The following STIMATE variants were observed in gnomAD, a reference collection of about 807,000 sequenced individuals.
STIMATE encodes store-operated calcium entry regulator STIMATE.
STIMATE carries 15 observed loss-of-function variants against 36.7 expected under a neutral mutation model. That is an observed-to-expected ratio of 0.41 (90% CI 0.27 to 0.63). STIMATE has a LOEUF of 0.63. Ranked by LOEUF, STIMATE falls within the 20% of genes least tolerant of loss-of-function variation. The pLI is 0.32. For synonymous variants in STIMATE, 163 were observed against 162.3 expected (o/e 1.00, Z -0.03); for missense variants, 305 against 397.3 (o/e 0.77, Z 1.98).
chr3:52,868,677 C>T (rs1269988799), intron 1 of STIMATE, among the ~76,000 whole-genome samples: 1 of 152,166 alleles, frequency 6.6e-6, no homozygotes, highest in African/African-American at 2.4e-5. Flanking sequence ...GGCTGGAGTG[C>T]AGTGGCGAGA....
At chr3:52,873,247 C>T (rs895212100) in intron 1 of STIMATE, among the ~76,000 whole-genome samples, 2 of 152,110 alleles carry the variant, frequency 1.3e-5, no homozygotes, top group African/African-American at 4.8e-5. Context: ...GCAGTAGGAG[C>T]GAGGGGGCAT....
chr3:52,888,124 G>A (rs1037591643), intron 1 of STIMATE, among the ~76,000 whole-genome samples: 6 of 148,210 alleles, frequency 4.0e-5, no homozygotes, highest in Admixed American at 6.9e-5. Context: ...ATGTCTTTAG[G>A]ACCGTAACAC....
chr3:52,849,954 C>T (rs370829709), intron 3 of STIMATE, 41 bp from the exon 4 acceptor site: 213 of 1,596,894 alleles, frequency 1.3e-4, no homozygotes, highest in Non-Finnish European at 1.7e-4. Flanking sequence ...GCAGAAGCCA[C>T]GGGGCCAGAG....
chr3:52,866,754 G>A (rs1701320513), intron 1 of STIMATE, among the ~76,000 whole-genome samples: 1 of 152,258 alleles, frequency 6.6e-6, no homozygotes, highest in African/African-American at 2.4e-5. Flanking sequence ...CTGACTAGCA[G>A]AAGGAAGTTG....
intron 1 of STIMATE, among the ~76,000 whole-genome samples, chr3:52,889,770 C>A (rs1559500170): frequency 6.6e-6 from 1 of 152,152 alleles, no homozygotes; most frequent in Non-Finnish European, 1.5e-5. Flanking sequence ...TTCTCAGGGG[C>A]TGCCACATGA....
intron 1 of STIMATE, among the ~76,000 whole-genome samples, chr3:52,880,677 T>C (rs1428625169): frequency 6.6e-6 from 1 of 152,082 alleles, no homozygotes; most frequent in Non-Finnish European, 1.5e-5. Context: ...ACTGCCTCCT[T>C]ACAAAGGAGG....
intron 1 of STIMATE, among the ~76,000 whole-genome samples, chr3:52,887,685 C>G (rs538339034): frequency 6.6e-6 from 1 of 152,164 alleles, no homozygotes; most frequent in Non-Finnish European, 1.5e-5. Context: ...TCACCCCACA[C>G]CAAACTTCAT....
chr3:52,852,532 A>C, intron 3 of STIMATE, 71 bp downstream of exon 3: 1 of 1,590,790 alleles, frequency 6.3e-7, no homozygotes, highest in East Asian at 2.2e-5. Context: ...GACCAGCAGC[A>C]GAAAGCAAGG....
chr3:52,897,224 C>T, intron 1 of STIMATE, 67 bp downstream of exon 1: 2 of 1,508,586 alleles, frequency 1.3e-6, no homozygotes, highest in South Asian at 2.4e-5. Flanking sequence ...GCAGGAGGGG[C>T]CCCCAGGGGG....
chr3:52,837,487 G>C lies in STIMATE; in HGVS notation c.*3007C>G, dbSNP rs1170601569. 1 of 152,408 alleles carries C rather than the reference G, an allele frequency of 6.6e-6. No individual in the cohort carries two copies. Among genetic ancestry groups the C allele is most frequent in the Non-Finnish European group, 1.5e-5 (1 of 68,168 alleles). 9.4% of individuals were successfully genotyped at this position (152,408 alleles called of 1,614,324 possible). On this transcript the variant is annotated 3_prime_UTR_variant, in exon 8 of 8. Transcript: ENST00000355083. ...CCACAGACCCTCCTCTTGCATGTGTGCAAGCTGAGTGGACCAAGAAGCCAC... is the reference window on the plus strand; with the variant it reads ...CCACAGACCCTCCTCTTGCATGTGTCCAAGCTGAGTGGACCAAGAAGCCAC...
intron 1 of STIMATE, among the ~76,000 whole-genome samples, chr3:52,893,365 C>T (rs1433209211): frequency 6.7e-6 from 1 of 150,234 alleles, no homozygotes; most frequent in Non-Finnish European, 1.5e-5. Context: ...CTTCAAATGG[C>T]TCAGCCAAAA....
chr3:52,862,964 T>C (rs189891334), intron 1 of STIMATE, among the ~76,000 whole-genome samples: 5 of 152,312 alleles, frequency 3.3e-5, no homozygotes, highest in Admixed American at 2.6e-4. Flanking sequence ...CAAGGAATCC[T>C]GGAGCCACCA....
intron 1 of STIMATE, among the ~76,000 whole-genome samples, chr3:52,880,868 G>A (rs1185978693): frequency 1.3e-5 from 2 of 152,192 alleles, no homozygotes; most frequent in South Asian, 4.1e-4. Flanking sequence ...GTGGACTATA[G>A]AAACTCAGAT....
intron 6 of STIMATE, 181 bp from the exon 7 acceptor site, chr3:52,843,141 C>G: frequency 8.3e-7 from 1 of 1,202,764 alleles, no homozygotes; most frequent in Non-Finnish European, 1.1e-6. Context: ...TCTCCACATC[C>G]TCGGGTTCAG....
chr3:52,849,102 A>G (rs953689815), intron 4 of STIMATE, among the ~76,000 whole-genome samples: 5 of 152,140 alleles, frequency 3.3e-5, no homozygotes, highest in Non-Finnish European at 5.9e-5. Flanking sequence ...GGGGATCCCG[A>G]ATTCCATCCG....
At chr3:52,885,640 G>A (rs1701678384) in intron 1 of STIMATE, among the ~76,000 whole-genome samples, 1 of 152,188 alleles carries the variant, frequency 6.6e-6, no homozygotes, top group South Asian at 2.1e-4. Flanking sequence ...AAGTCTCGAG[G>A]AGACCCCTAA....
chr3:52,865,139 G>A (rs138164700), intron 1 of STIMATE, among the ~76,000 whole-genome samples: 3,358 of 152,196 alleles, frequency 0.022, 125 homozygotes, highest in African/African-American at 0.077. Flanking sequence ...TAGAGATGGG[G>A]TTTCACTATC....
In STIMATE at chr3:52,866,352, G is replaced by A. The variant is rs186277478; in HGVS notation, c.161-10908C>T. On this transcript the variant is annotated intron_variant, in intron 1 of 7. Transcript: ENST00000355083. ...GCCACTTGGGTGCCAGGGCACCTGC[G>A]GGGCTTGCCACCGTCTACCGCCTTG... 7.4e-3 allele frequency among the ~76,000 whole-genome samples: 1,130 copies of A among 152,346 alleles called. 13 individuals are homozygous for A. The highest frequency in any genetic ancestry group is 0.025 in the African/African-American group (1,051 of 41,580).
intron 1 of STIMATE, among the ~76,000 whole-genome samples, chr3:52,885,443 AT>A (rs1701674204): frequency 6.6e-6 from 1 of 152,192 alleles, no homozygotes; most frequent in African/African-American, 2.4e-5. Flanking sequence ...GAAACCTAAT[AT>A]TAAGGCATGA....
Sources: gnomAD v4.1 joint callset for allele counts (sites outside exome capture counted in the v4.1 genomes callset) on GRCh38, gnomAD v4.1.1 for gene constraint, MANE v1.5 for transcripts, NCBI Gene and HGNC (gene_info 2026-07-23, HGNC 2026-07-21) for gene names.